ANAPC13: variants seen among roughly 807,000 people sequenced by gnomAD.
ANAPC13 encodes the protein anaphase-promoting complex subunit 13.
A neutral mutation model predicts 9.6 loss-of-function variants in ANAPC13; 9 were observed. The observed-to-expected ratio is 0.94, with a 90% CI of 0.57 to 1.64. The LOEUF (loss-of-function observed/expected upper bound fraction) is 1.64, where lower values mean the gene tolerates loss of function less well. Ranked by LOEUF, ANAPC13 falls within the 40% of genes most tolerant of loss-of-function variation. The pLI is 0.00. For synonymous variants in ANAPC13, 30 were observed against 29.7 expected (o/e 1.01, Z -0.03); for missense variants, 75 against 85.3 (o/e 0.88, Z 0.48).
At position 134,478,624 on chromosome 3, in the gene ANAPC13, T is replaced by A; in HGVS notation, c.191A>T (p.Tyr64Phe). ...AATGGGGGGAACATTCTCATGGAGGTACTGTAAGGCTAAGTCTGTCCACTT... is the reference window on the plus strand; with the variant it reads ...AATGGGGGGAACATTCTCATGGAGGAACTGTAAGGCTAAGTCTGTCCACTT... Reference protein sequence around the residue: ...EMKWTDLALQYLHENVPPIGN With the variant: ...EMKWTDLALQFLHENVPPIGN The change falls in exon 3 of 3, where the codon TAC becomes TTC. Residue 64 changes from tyrosine (Y) to phenylalanine (F), a missense_variant. By Grantham distance (22) the Tyr-to-Phe change is conservative. Coordinates refer to ENST00000354910, the MANE Select transcript of ANAPC13 (RefSeq NM_015391.4). 2 of 1,614,092 alleles carry A rather than the reference T, an allele frequency of 1.2e-6. No individual in the cohort carries two copies. The highest frequency in any genetic ancestry group is 1.7e-6 in the Non-Finnish European group (2 of 1,180,000).
rs1421827553 is a variant in ANAPC13 at position 134,477,968 on chromosome 3, T to C, written c.*622A>G. The C allele has an allele frequency of 6.6e-6, 1 of 152,280 alleles. No individual in the cohort carries two copies. Among genetic ancestry groups the C allele is most frequent in the Non-Finnish European group, 1.5e-5 (1 of 68,068 alleles). The allele number at this position is 152,280 out of a possible 1,614,324, so 9.4% of individuals were successfully genotyped here. ...TTTGAGAAAAGGCTTTGAATAAAAC[T>C]AGTCATCCACCTAGCCAAAGATCCT... On this transcript the variant is annotated 3_prime_UTR_variant, in exon 3 of 3. Coordinates refer to ENST00000354910, the MANE Select transcript of ANAPC13 (RefSeq NM_015391.4).
rs1934653554 is a variant in ANAPC13, at chr3:134,478,179, G to A, written c.*411C>T. On this transcript the variant is annotated 3_prime_UTR_variant, in exon 3 of 3. Transcript: ENST00000354910. ...AAATACACTCCGAATGCTTCTCAATGTGGGGAAGTATGAGAAGTTAATAAT... is the reference window on the plus strand; with the variant it reads ...AAATACACTCCGAATGCTTCTCAATATGGGGAAGTATGAGAAGTTAATAAT... 1 of 164,280 alleles carries A rather than the reference G, an allele frequency of 6.1e-6. No homozygotes were observed. The highest frequency in any genetic ancestry group is 1.3e-5 in the Non-Finnish European group (1 of 76,288). 10.2% of individuals were successfully genotyped at this position (164,280 alleles called of 1,614,324 possible). A position where few individuals can be genotyped will look rare whatever the true frequency, so the allele number is the denominator to read the frequency against.
chr3:134,478,768 G>C, intron 2 of ANAPC13, 53 bp from the exon 3 acceptor site: 12 of 1,585,424 alleles, frequency 7.6e-6, no homozygotes, highest in Non-Finnish European at 1.0e-5. Flanking sequence ...CATCTTCTTG[G>C]AACTCAAGAA....
upstream of ANAPC13, chr3:134,485,999 C>CAG (rs1935144469): frequency 1.0e-6 from 1 of 976,150 alleles, no homozygotes; most frequent in Non-Finnish European, 1.2e-6. Context: ...ACGCCCCCCC[C>CAG]CCCTCCCCCG....
chr3:134,478,652 T>C lies in ANAPC13; in HGVS notation c.163A>G (p.Met55Val). 6.2e-7 allele frequency: 1 copy of C among 1,614,186 alleles called. No individual in the cohort carries two copies. The highest frequency in any genetic ancestry group is 8.5e-7 in the Non-Finnish European group (1 of 1,180,006). The change falls in exon 3 of 3, where the codon ATG becomes GTG. Residue 55 changes from methionine (M) to valine (V), a missense_variant. Transcript: ENST00000354910. ...GTTESVKEQE[M>V]KWTDLALQYL... The stretch of plus-strand genomic sequence containing the variant: ...TGTAAGGCTAAGTCTGTCCACTTCA[T>C]TTCTTGTTCTTTGACAGATTCTGTG...
At position 134,478,461 on chromosome 3, in the gene ANAPC13, C is replaced by A. The variant is rs1220392594; in HGVS notation, c.*129G>T. The A allele has an allele frequency of 3.2e-6, 4 of 1,262,282 alleles. No individual in the cohort carries two copies. The allele number at this position is 1,262,282 out of a possible 1,614,324, so 78.2% of individuals were successfully genotyped here. A position where few individuals can be genotyped will look rare whatever the true frequency, so the allele number is the denominator to read the frequency against. On this transcript the variant is annotated 3_prime_UTR_variant, in exon 3 of 3. Transcript: ENST00000354910. Reference sequence around the variant, plus strand: ...TCAATTTCGCATTGCACTTTGCTACCACAAACTAAATGGGTGTACATTTTT... The same window carrying A: ...TCAATTTCGCATTGCACTTTGCTACAACAAACTAAATGGGTGTACATTTTT...
intron 1 of ANAPC13, chr3:134,485,638 A>G (rs181096268): frequency 6.6e-6 from 1 of 152,352 alleles, no homozygotes; most frequent in East Asian, 1.9e-4. Context: ...TATTTATAAA[A>G]TCAAAGCGGG....
In ANAPC13 at chr3:134,485,973, G is replaced by C. The variant is rs1336264400; in HGVS notation, c.-49C>G. 1 of 961,182 alleles carries C rather than the reference G, an allele frequency of 1.0e-6. No homozygotes were observed. Among genetic ancestry groups the C allele is most frequent in the African/African-American group, 2.0e-5 (1 of 50,144 alleles). The allele number at this position is 961,182 out of a possible 1,614,324, so 59.5% of individuals were successfully genotyped here. ...TTACCGGCACCCGGCCACCGCGGCA[G>C]ACGCTTGCTCCTGCCACGCCCCCCC... On this transcript the variant is annotated 5_prime_UTR_variant, in exon 1 of 3. Coordinates refer to ENST00000354910, the MANE Select transcript of ANAPC13 (RefSeq NM_015391.4).
upstream of ANAPC13, chr3:134,485,991 G>GGCCCCC: frequency 2.8e-5 from 26 of 938,126 alleles, no homozygotes; most frequent in Non-Finnish European, 3.0e-5. Context: ...CTCCTGCCAC[G>GGCCCCC]CCCCCCCCCC....
intron 1 of ANAPC13, chr3:134,483,168 G>A: frequency 2.1e-6 from 1 of 466,008 alleles, no homozygotes; most frequent in Non-Finnish European, 3.9e-6. Context: ...CATAGAGTGT[G>A]ACAGGAGAGC....
chr3:134,482,529 T>A (rs1934758300), intron 2 of ANAPC13, among the ~76,000 whole-genome samples: 1 of 152,110 alleles, frequency 6.6e-6, no homozygotes. Context: ...TTATTTGGTT[T>A]CTCTGGTTTT....
At chr3:134,479,436 C>T (rs573632541) in intron 2 of ANAPC13, among the ~76,000 whole-genome samples, 1 of 152,114 alleles carries the variant, frequency 6.6e-6, no homozygotes. Flanking sequence ...CTCCCGGGTT[C>T]AAGCGATTCT....
intron 1 of ANAPC13, among the ~76,000 whole-genome samples, chr3:134,484,204 C>A (rs1576620018): frequency 6.6e-6 from 1 of 152,272 alleles, no homozygotes; most frequent in Middle Eastern, 3.4e-3. Flanking sequence ...CAGGGTGAAA[C>A]CTCGTCTCTA....
intron 1 of ANAPC13, among the ~76,000 whole-genome samples, chr3:134,484,272 C>A (rs1045943007): frequency 6.6e-6 from 1 of 151,942 alleles, no homozygotes; most frequent in Non-Finnish European, 1.5e-5. Flanking sequence ...CCCAGCTACT[C>A]GGGAGGCTGA....
chr3:134,483,033 G>T, intron 1 of ANAPC13, 102 bp from the exon 2 acceptor site: 1 of 777,784 alleles, frequency 1.3e-6, no homozygotes, highest in Non-Finnish European at 2.2e-6. Context: ...CACCTTTTGG[G>T]AAAAGGTTCA....
Position 134,482,813 on chromosome 3 carries a change from A to G in ANAPC13, c.92T>C (p.Ile31Thr). The change falls in exon 2 of 3, where the codon ATA (isoleucine) becomes ACA (threonine). Residue 31 changes from isoleucine to threonine, a missense_variant. Ile to Thr is a moderately conservative substitution (Grantham distance 89, BLOSUM62 -1). Transcript: ENST00000354910. ...EDKLPYEDVA[I>T]PLNELPEPEQ... Reference sequence around the variant, plus strand: ...GCTCAAATCATAACCTACCAGTGGTATTGCGACATCCTCATAAGGCAGCTT... The same window carrying G: ...GCTCAAATCATAACCTACCAGTGGTGTTGCGACATCCTCATAAGGCAGCTT... The G allele has an allele frequency of 6.2e-7, 1 of 1,614,084 alleles. No homozygotes were observed. Among genetic ancestry groups the G allele is most frequent in the Non-Finnish European group, 8.5e-7 (1 of 1,179,924 alleles).
chr3:134,485,182 T>C (rs1027875830), intron 1 of ANAPC13: 1 of 152,286 alleles, frequency 6.6e-6, no homozygotes, highest in Middle Eastern at 3.4e-3. Flanking sequence ...CCTTCCCTCA[T>C]AAGGGGCTGG....
intron 1 of ANAPC13, among the ~76,000 whole-genome samples, chr3:134,483,956 C>T (rs1934817167): frequency 6.6e-6 from 1 of 152,168 alleles, no homozygotes; most frequent in Admixed American, 6.5e-5. Flanking sequence ...ATCGTCTTGC[C>T]TTGAGGATTT....
rs1934773844 is a variant in ANAPC13, at chr3:134,483,000, C to T, written c.-27-69G>A. 27 of 1,102,828 alleles carry T rather than the reference C, an allele frequency of 2.4e-5. No homozygotes were observed. In the South Asian group the frequency reaches 3.5e-4, roughly 14 times the overall value. The allele number at this position is 1,102,828 out of a possible 1,614,324, so 68.3% of individuals were successfully genotyped here. On this transcript the variant is annotated intron_variant, in intron 1 of 2. Transcript: ENST00000354910. ...GATGGTATAATCCACTATTAGGATTCTCCAGGCTTTTTAGTCTGGGGCCAC... is the reference window on the plus strand; with the variant it reads ...GATGGTATAATCCACTATTAGGATTTTCCAGGCTTTTTAGTCTGGGGCCAC...
Sources: gnomAD v4.1 joint callset for allele counts (sites outside exome capture counted in the v4.1 genomes callset) on GRCh38, gnomAD v4.1.1 for gene constraint, MANE v1.5 for transcripts, NCBI Gene and HGNC (gene_info 2026-07-23, HGNC 2026-07-21) for gene names.